Variants in FBXO4 observed in about 807,000 individuals in gnomAD.
The protein encoded by FBXO4 is F-box protein 4, also known as F-box only protein 4.
A neutral mutation model predicts 43.7 loss-of-function variants in FBXO4; 36 were observed. The observed-to-expected ratio is 0.82, with a 90% confidence interval of 0.63 to 1.09. The LOEUF (loss-of-function observed/expected upper bound fraction) is 1.09, where lower values mean the gene tolerates loss of function less well. Ranked by LOEUF, FBXO4 falls within the 50% of genes least tolerant of loss-of-function variation. The pLI is 0.00. For synonymous variants in FBXO4, 180 were observed against 165.6 expected (o/e 1.09, Z -0.67); for missense variants, 435 against 474.1 (o/e 0.92, Z 0.77).
the FBXO4 span, among the ~76,000 whole-genome samples, chr5:41,974,953 A>G: frequency 6.6e-6 from 1 of 152,018 alleles, no homozygotes; most frequent in South Asian, 2.1e-4. Context: ...GAGTTAATCT[A>G]TTTAGGAGGC....
At chr5:41,937,840 G>A (rs992639187) in intron 5 of FBXO4, among the ~76,000 whole-genome samples, 2 of 152,062 alleles carry the variant, frequency 1.3e-5, no homozygotes, top group African/African-American at 4.8e-5. Flanking sequence ...GCTGCAAGCC[G>A]TTTTTAATGG....
At chr5:42,023,811 A>C in the FBXO4 span, among the ~76,000 whole-genome samples, 1 of 151,848 alleles carries the variant, frequency 6.6e-6, no homozygotes, top group African/African-American at 2.4e-5. Context: ...TGTTTTTCTT[A>C]ATTCTGAAGG....
chr5:42,039,422 C>T, the FBXO4 span, among the ~76,000 whole-genome samples: 4 of 152,092 alleles, frequency 2.6e-5, no homozygotes, highest in African/African-American at 9.7e-5. Context: ...TGCATTGCTG[C>T]TCCAATCACA....
intron 2 of FBXO4, among the ~76,000 whole-genome samples, 181 bp from the exon 3 acceptor site, chr5:41,929,516 C>T (rs539388024): frequency 2.6e-5 from 4 of 152,304 alleles, no homozygotes; most frequent in Non-Finnish European, 5.9e-5. Context: ...TTGTGCTTTT[C>T]CCTGTCAGAG....
At chr5:41,939,296 C>A in intron 5 of FBXO4, 145 bp from the exon 6 acceptor site, 1 of 652,358 alleles carries the variant, frequency 1.5e-6, no homozygotes, top group South Asian at 2.5e-5. Flanking sequence ...GTGGAGACAT[C>A]TGAAGAGTAC....
the FBXO4 span, among the ~76,000 whole-genome samples, chr5:41,991,267 C>T: frequency 2.0e-5 from 3 of 152,328 alleles, no homozygotes; most frequent in Admixed American, 6.5e-5. Flanking sequence ...TTACTGTCCA[C>T]CAACTTTCTT....
chr5:41,935,735 T>C (rs1751832170), intron 5 of FBXO4, among the ~76,000 whole-genome samples: 1 of 152,240 alleles, frequency 6.6e-6, no homozygotes, highest in South Asian at 2.1e-4. Context: ...GAAATCTCCA[T>C]GTCCCTACCA....
chr5:41,994,081 G>A, the FBXO4 span, among the ~76,000 whole-genome samples: 2 of 152,042 alleles, frequency 1.3e-5, no homozygotes, highest in Non-Finnish European at 2.9e-5. Flanking sequence ...GAACCCATAC[G>A]CATCTCCTGA....
chr5:41,937,747 C>A (rs190320703), intron 5 of FBXO4, among the ~76,000 whole-genome samples: 1 of 152,278 alleles, frequency 6.6e-6, no homozygotes, highest in East Asian at 1.9e-4. Flanking sequence ...GCCTTTCTTG[C>A]TGATTTCTTA....
intron 6 of FBXO4, 122 bp from the exon 7 acceptor site, chr5:41,941,070 A>G: frequency 3.0e-6 from 2 of 657,770 alleles, no homozygotes; most frequent in Non-Finnish European, 5.1e-6. Flanking sequence ...CAACTTATCC[A>G]AAGTTTATTG....
chr5:41,990,328 A>C, the FBXO4 span, among the ~76,000 whole-genome samples: 1 of 152,242 alleles, frequency 6.6e-6, no homozygotes, highest in Non-Finnish European at 1.5e-5. Context: ...TGGGCAATCT[A>C]TCAGACATTC....
At chr5:41,992,725 T>G in the FBXO4 span, among the ~76,000 whole-genome samples, 1 of 152,250 alleles carries the variant, frequency 6.6e-6, no homozygotes, top group East Asian at 1.9e-4. Flanking sequence ...ATTTTTCTTT[T>G]TTTAAAATTT....
the FBXO4 span, among the ~76,000 whole-genome samples, chr5:42,023,934 A>C: frequency 6.6e-6 from 1 of 151,948 alleles, no homozygotes; most frequent in African/African-American, 2.4e-5. Flanking sequence ...CTCCACACCA[A>C]AACCTTCCCC....
At chr5:41,991,946 G>A in the FBXO4 span, among the ~76,000 whole-genome samples, 3 of 151,994 alleles carry the variant, frequency 2.0e-5, no homozygotes, top group African/African-American at 7.2e-5. Context: ...GGCGTGGTGG[G>A]GCATGCCTGT....
At chr5:41,985,986 A>T in the FBXO4 span, among the ~76,000 whole-genome samples, 5 of 152,198 alleles carry the variant, frequency 3.3e-5, no homozygotes, top group Non-Finnish European at 5.9e-5. Context: ...TTTTCTATTT[A>T]AAATTCCCGA....
At chr5:41,986,182 A>C in the FBXO4 span, among the ~76,000 whole-genome samples, 1 of 152,120 alleles carries the variant, frequency 6.6e-6, no homozygotes, top group African/African-American at 2.4e-5. Context: ...AGATAATTTA[A>C]AGGCAGGTTC....
At chr5:42,019,570 C>A in the FBXO4 span, among the ~76,000 whole-genome samples, 3 of 151,876 alleles carry the variant, frequency 2.0e-5, no homozygotes, top group Non-Finnish European at 4.4e-5. Context: ...CGCCTGTAGT[C>A]CTAGCTACTC....
At chr5:41,998,457 C>T in the FBXO4 span, among the ~76,000 whole-genome samples, 1 of 152,192 alleles carries the variant, frequency 6.6e-6, no homozygotes, top group African/African-American at 2.4e-5. Flanking sequence ...CCTTCCTCTA[C>T]ATTAAACCAA....
chr5:41,999,631 C>A, the FBXO4 span, among the ~76,000 whole-genome samples: 1 of 147,986 alleles, frequency 6.8e-6, no homozygotes, highest in South Asian at 2.1e-4. Flanking sequence ...AGGCTGTCTG[C>A]AAGCTTGAGG....
Sources: allele counts gnomAD v4.1 joint callset (sites outside exome capture counted in the v4.1 genomes callset), GRCh38; gene constraint gnomAD v4.1.1; transcripts MANE v1.5; gene names NCBI Gene and HGNC (gene_info 2026-07-23, HGNC 2026-07-21).